The following ERC1 variants were observed in gnomAD, a reference collection of about 807,000 sequenced individuals.
ERC1 encodes the protein ELKS/RAB6-interacting/CAST family member 1.
In ERC1, 56 loss-of-function variants were observed where a neutral mutation model predicts 132.0. The ratio of observed to expected loss-of-function variants is 0.42; its 90% CI spans 0.34 to 0.53. The LOEUF (loss-of-function observed/expected upper bound fraction) is 0.53. Among genes scored for constraint, ERC1 ranks in the 20% least tolerant of loss-of-function variants. The pLI is 0.03. For synonymous variants in ERC1, 478 were observed against 476.1 expected (o/e 1.00, Z -0.05); for missense variants, 1,202 against 1,349.9 (o/e 0.89, Z 1.72).
chr12:1,244,240 G>A (rs969856362), intron 13 of ERC1, among the ~76,000 whole-genome samples: 6 of 152,048 alleles, frequency 3.9e-5, no homozygotes. Context: ...TCGAATGACT[G>A]GTTATATTTT....
At chr12:1,258,965 T>C (rs1249353773) in intron 13 of ERC1, among the ~76,000 whole-genome samples, 2 of 152,246 alleles carry the variant, frequency 1.3e-5, no homozygotes, top group Non-Finnish European at 2.9e-5. Context: ...TTAACTTACA[T>C]ATTTAGATAT....
chr12:1,412,745 G>A (rs967538995), intron 17 of ERC1, among the ~76,000 whole-genome samples: 2 of 152,128 alleles, frequency 1.3e-5, no homozygotes, highest in African/African-American at 4.8e-5. Flanking sequence ...TATGAATAAT[G>A]CCTACTTCCT....
intron 18 of ERC1, among the ~76,000 whole-genome samples, chr12:1,457,733 GA>G (rs956700685): frequency 1.3e-5 from 2 of 148,622 alleles, no homozygotes; most frequent in South Asian, 2.1e-4. Context: ...ATCGAAAAAG[GA>G]AAAAAAAAAT....
At chr12:1,166,816 A>G (rs971819676) in intron 8 of ERC1, among the ~76,000 whole-genome samples, 1 of 152,228 alleles carries the variant, frequency 6.6e-6, no homozygotes, top group African/African-American at 2.4e-5. Flanking sequence ...TTATGGAGAC[A>G]ATAGAAGTGG....
intron 16 of ERC1, among the ~76,000 whole-genome samples, chr12:1,394,487 T>G (rs2090366350): frequency 6.6e-6 from 1 of 152,224 alleles, no homozygotes; most frequent in Non-Finnish European, 1.5e-5. Flanking sequence ...CTCAGTGATA[T>G]GGTTTGGCTT....
At chr12:1,381,570 C>G (rs1408852619) in intron 16 of ERC1, among the ~76,000 whole-genome samples, 1 of 152,152 alleles carries the variant, frequency 6.6e-6, no homozygotes, top group African/African-American at 2.4e-5. Context: ...CCTTTCAACC[C>G]TAAATTTGTG....
intron 12 of ERC1, among the ~76,000 whole-genome samples, chr12:1,216,559 G>T (rs1307348447): frequency 7.7e-6 from 1 of 129,644 alleles, no homozygotes; most frequent in Non-Finnish European, 1.6e-5. Context: ...TAATTCAACT[G>T]TAGCATTCAC....
chr12:1,061,152 G>C (rs2154175389), intron 2 of ERC1, among the ~76,000 whole-genome samples: 1 of 152,156 alleles, frequency 6.6e-6, no homozygotes, highest in African/African-American at 2.4e-5. Flanking sequence ...TTCCTTCTAG[G>C]TTTTCCAATT....
intron 15 of ERC1, among the ~76,000 whole-genome samples, chr12:1,365,393 C>T (rs568909684): frequency 2.2e-4 from 33 of 151,994 alleles, no homozygotes; most frequent in African/African-American, 4.6e-4. Flanking sequence ...CACTGAACAG[C>T]GGGGGAACCA....
intron 12 of ERC1, among the ~76,000 whole-genome samples, chr12:1,213,703 A>C (rs1455669602): frequency 6.9e-6 from 1 of 144,574 alleles, no homozygotes; most frequent in East Asian, 2.0e-4. Flanking sequence ...CTGCCACTGC[A>C]CTCCACCCTA....
intron 10 of ERC1, 78 bp downstream of exon 10, chr12:1,182,143 T>A (rs1954548750): frequency 2.2e-6 from 3 of 1,335,954 alleles, no homozygotes; most frequent in Non-Finnish European, 2.0e-6. Flanking sequence ...ACATAATGCA[T>A]ATAAAAAAGT....
rs142249673 is a variant in ERC1, at chr12:1,455,588, C to T, written c.3213+10838C>T. ...CTGTTGCCGTCTGTGGGACAGGAAG[C>T]CTTGTTAGTGCCTCCATGAATCCAG... On this transcript the variant is annotated intron_variant, in intron 18 of 18. Transcript: ENST00000360905. 1.2e-3 allele frequency among the ~76,000 whole-genome samples: 190 copies of T among 152,306 alleles called. 1 individual carries two copies. Among genetic ancestry groups the T allele is most frequent in the African/African-American group, 4.4e-3 (184 of 41,564 alleles).
chr12:1,195,591 A>G (rs1356790748), intron 12 of ERC1, among the ~76,000 whole-genome samples: 3 of 152,332 alleles, frequency 2.0e-5, no homozygotes, highest in Middle Eastern at 3.4e-3. Flanking sequence ...GCAAGAAGAA[A>G]GATGACCCCT....
intron 13 of ERC1, among the ~76,000 whole-genome samples, chr12:1,243,428 C>T (rs1252133108): frequency 6.6e-6 from 1 of 151,444 alleles, no homozygotes; most frequent in African/African-American, 2.4e-5. Flanking sequence ...TGTAATGAAA[C>T]GTGAGAGATA....
intron 18 of ERC1, among the ~76,000 whole-genome samples, chr12:1,457,857 C>A (rs2093570598): frequency 6.6e-6 from 1 of 152,032 alleles, no homozygotes; most frequent in Non-Finnish European, 1.5e-5. Context: ...AGCACCACTG[C>A]CCTCCAGCCT....
chr12:1,389,186 T>C (rs1273741269), intron 16 of ERC1, among the ~76,000 whole-genome samples: 1 of 152,152 alleles, frequency 6.6e-6, no homozygotes, highest in African/African-American at 2.4e-5. Flanking sequence ...AGGCCATATA[T>C]GGAAGAGAAT....
chr12:1,215,395 A>C (rs997050163), intron 12 of ERC1, among the ~76,000 whole-genome samples: 4 of 152,230 alleles, frequency 2.6e-5, no homozygotes, highest in African/African-American at 9.6e-5. Context: ...AGTAATAAGT[A>C]CCATGAGTGC....
At chr12:1,374,006 C>T (rs1034711903) in intron 16 of ERC1, among the ~76,000 whole-genome samples, 5 of 152,266 alleles carry the variant, frequency 3.3e-5, no homozygotes, top group Middle Eastern at 3.4e-3. Context: ...CCTTTCAAAG[C>T]GTATCTGGAT....
chr12:1,340,744 T>C (rs2083757635), intron 15 of ERC1, among the ~76,000 whole-genome samples: 1 of 152,082 alleles, frequency 6.6e-6, no homozygotes, highest in Admixed American at 6.6e-5. Context: ...CCTGGCTGCT[T>C]TTAGTAGGCT....
Sources: allele counts gnomAD v4.1 joint callset (sites outside exome capture counted in the v4.1 genomes callset), GRCh38; gene constraint gnomAD v4.1.1; transcripts MANE v1.5; gene names NCBI Gene and HGNC (gene_info 2026-07-23, HGNC 2026-07-21).